Variants in GRM7 observed in about 807,000 individuals in gnomAD.
GRM7 encodes glutamate metabotropic receptor 7, also known as metabotropic glutamate receptor 7.
In GRM7, 35 loss-of-function variants were observed where a neutral mutation model predicts 84.5. The ratio of observed to expected loss-of-function variants is 0.41; its 90% CI spans 0.32 to 0.55. GRM7 has a LOEUF of 0.55. Ranked by LOEUF, GRM7 falls within the 20% of genes least tolerant of loss-of-function variation. The pLI, the probability that GRM7 is intolerant of heterozygous loss-of-function variation, is 0.19. For missense variants in GRM7, 1,003 were observed against 1,194.6 expected, an observed-to-expected ratio of 0.84 and a Z score of 2.36; for synonymous variants, 487 against 455.1, an observed-to-expected ratio of 1.07 and a Z score of -0.89.
intron 7 of GRM7, among the ~76,000 whole-genome samples, chr3:7,499,778 CTT>C (rs112392895): frequency 2.1e-5 from 3 of 144,360 alleles, no homozygotes; most frequent in Non-Finnish European, 3.0e-5. Flanking sequence ...AGACACCATT[CTT>C]TTTTTTTTTT....
chr3:7,729,372 T>C (rs1702232884), intron 9 of GRM7, among the ~76,000 whole-genome samples: 2 of 152,196 alleles, frequency 1.3e-5, no homozygotes, highest in Admixed American at 6.5e-5. Context: ...CAGTTTAAAA[T>C]AACTCCTATA....
chr3:7,305,634 G>GCTGCTGCTTTTTTT lies in GRM7; in HGVS notation c.879-864_879-863insCTGCTGCTTTTTTT, dbSNP rs1485107689. Among the ~76,000 whole-genome samples the GCTGCTGCTTTTTTT allele has an allele frequency of 1.5e-3, 68 of 46,000 alleles. 3 individuals carry two copies. The highest frequency in any genetic ancestry group is 4.2e-3 in the South Asian group (5 of 1,184). The allele number at this position is 46,000 out of a possible 152,430, so 30.2% of individuals were successfully genotyped here. A position where few individuals can be genotyped will look rare whatever the true frequency, so the allele number is the denominator to read the frequency against. ...GTTCTTGCGATAGTTTACTGAGAATGATTTTTTTCTTTAGAAAACTGTCAT... is the reference window on the plus strand; with the variant it reads ...GTTCTTGCGATAGTTTACTGAGAATGCTGCTGCTTTTTTTATTTTTTTCTTTAGAAAACTGTCAT... On this transcript the variant is annotated intron_variant, in intron 3 of 9. Coordinates refer to ENST00000357716, the MANE Select transcript of GRM7 (RefSeq NM_000844.4).
At chr3:7,052,948 T>G (rs188922428) in intron 1 of GRM7, among the ~76,000 whole-genome samples, 611 of 151,536 alleles carry the variant, frequency 4.0e-3, no homozygotes, top group Middle Eastern at 0.01. Context: ...AGGGTATGTT[T>G]AACTTCATAA....
At chr3:7,530,561 C>T (rs144356209) in intron 7 of GRM7, among the ~76,000 whole-genome samples, 1,617 of 152,280 alleles carry the variant, frequency 0.011, 13 homozygotes, top group Admixed American at 0.024. Flanking sequence ...CTCCTACCAA[C>T]GGTATAAAAG....
At chr3:6,998,136 A>AAAAAAAAAAAAAAAAAAAAC (rs1694887825) in intron 1 of GRM7, among the ~76,000 whole-genome samples, 2 of 147,930 alleles carry the variant, frequency 1.4e-5, no homozygotes, top group Non-Finnish European at 3.0e-5. Flanking sequence ...AAAAAAAAAA[A>AAAAAAAAAAAAAAAAAAAAC]AAAGCAGGTT....
rs182038811 is a variant in GRM7 at position 7,142,705 on chromosome 3, G to A, written c.520-3747G>A. On this transcript the variant is annotated intron_variant, in intron 1 of 9. Coordinates refer to ENST00000357716, the MANE Select transcript of GRM7 (RefSeq NM_000844.4). ...ATATACACACAAAGGCAATAAGAAGGTACAACAAAATGTTGACAGGGATCA... is the reference window on the plus strand; with the variant it reads ...ATATACACACAAAGGCAATAAGAAGATACAACAAAATGTTGACAGGGATCA... 4.9e-3 allele frequency among the ~76,000 whole-genome samples: 750 copies of A among 152,252 alleles called. 10 individuals carry two copies. The highest frequency in any genetic ancestry group is 3.4e-3 in the Non-Finnish European group (231 of 68,016).
chr3:7,317,156 A>T lies in GRM7; in HGVS notation c.1033+10504A>T, dbSNP rs568013358. Among the ~76,000 whole-genome samples the T allele has an allele frequency of 1.2e-4, 19 of 152,274 alleles. No homozygotes were observed. The East Asian group carries it at 3.3e-3, about 26-fold the overall frequency. ...CTACATCATTGGTGATTTTTTACATAGACTTATTGCGTCTGAGTGATTGGA... is the reference window on the plus strand; with the variant it reads ...CTACATCATTGGTGATTTTTTACATTGACTTATTGCGTCTGAGTGATTGGA... On this transcript the variant is annotated intron_variant, in intron 4 of 9. Transcript: ENST00000357716.
intron 8 of GRM7, chr3:7,607,346 A>C (rs1342636416): frequency 6.6e-6 from 1 of 152,228 alleles, no homozygotes; most frequent in Non-Finnish European, 1.5e-5. Flanking sequence ...TGACATTTAC[A>C]ACCTAGAAGT....
intron 5 of GRM7, among the ~76,000 whole-genome samples, chr3:7,415,792 CTAAG>C (rs1696134923): frequency 6.6e-6 from 1 of 152,110 alleles, no homozygotes; most frequent in South Asian, 2.1e-4. Flanking sequence ...GGTGAGCAAA[CTAAG>C]TGAGAATCCT....
chr3:7,550,479 C>T (rs1693399920), intron 7 of GRM7, among the ~76,000 whole-genome samples: 1 of 127,524 alleles, frequency 7.8e-6, no homozygotes, highest in Non-Finnish European at 1.6e-5. Context: ...TCCTTTCTTT[C>T]CTTCCTTTCC....
At chr3:6,864,047 T>C (rs566171288) in intron 1 of GRM7, among the ~76,000 whole-genome samples, 1 of 152,154 alleles carries the variant, frequency 6.6e-6, no homozygotes. Context: ...AATTTCTCCA[T>C]TCCCTGAGCT....
At chr3:7,406,823 G>A (rs1302019726) in intron 4 of GRM7, among the ~76,000 whole-genome samples, 1 of 152,114 alleles carries the variant, frequency 6.6e-6, no homozygotes, top group Admixed American at 6.6e-5. Context: ...GAAACATGTT[G>A]CTAGATCAAA....
chr3:7,180,970 G>C (rs1314398512), intron 2 of GRM7, among the ~76,000 whole-genome samples: 1 of 151,944 alleles, frequency 6.6e-6, no homozygotes, highest in Non-Finnish European at 1.5e-5. Context: ...TTTGGAATTG[G>C]GTAAAACATC....
chr3:6,963,386 A>G (rs886385500), intron 1 of GRM7, among the ~76,000 whole-genome samples: 1 of 152,224 alleles, frequency 6.6e-6, no homozygotes, highest in African/African-American at 2.4e-5. Context: ...ATGGAGCTCT[A>G]TCATGCACAA....
In GRM7 at chr3:7,528,462, A is replaced by G. The variant is rs140246586; in HGVS notation, c.1516-49960A>G. ...CTATTGATATTGCTTACACTTTCAA[A>G]GAACCAAATTTTCCTTCATTGATCC... On this transcript the variant is annotated intron_variant, in intron 7 of 9. Coordinates refer to ENST00000357716, the MANE Select transcript of GRM7 (RefSeq NM_000844.4). Among the ~76,000 whole-genome samples, 723 of 152,168 alleles carry G rather than the reference A, an allele frequency of 4.8e-3. 5 individuals are homozygous for G. The highest frequency in any genetic ancestry group is 0.017 in the African/African-American group (694 of 41,560).
At chr3:7,372,107 T>C (rs1418081169) in intron 4 of GRM7, among the ~76,000 whole-genome samples, 1 of 151,944 alleles carries the variant, frequency 6.6e-6, no homozygotes, top group Admixed American at 6.6e-5. Context: ...TTCTAAGTTA[T>C]GGAAGTAGGG....
At chr3:7,425,490 C>T (rs987225167) in intron 5 of GRM7, among the ~76,000 whole-genome samples, 1 of 152,056 alleles carries the variant, frequency 6.6e-6, no homozygotes, top group East Asian at 1.9e-4. Flanking sequence ...AAACACAAGT[C>T]GGCAGCCTTG....
chr3:7,630,616 T>G (rs1326785913), intron 8 of GRM7, among the ~76,000 whole-genome samples: 3 of 152,216 alleles, frequency 2.0e-5, no homozygotes, highest in Admixed American at 2.0e-4. Context: ...GAGGACCCAT[T>G]AGAAGGTGAC....
chr3:7,129,421 G>A (rs751041670), intron 1 of GRM7, among the ~76,000 whole-genome samples: 18 of 152,060 alleles, frequency 1.2e-4, no homozygotes, highest in African/African-American at 3.4e-4. Context: ...TTTCTTAGTC[G>A]AAGAACTAAG....
Sources: allele counts gnomAD v4.1 joint callset (sites outside exome capture counted in the v4.1 genomes callset), GRCh38; gene constraint gnomAD v4.1.1; transcripts MANE v1.5; gene names NCBI Gene and HGNC (gene_info 2026-07-23, HGNC 2026-07-21).